The following TRAPPC9 variants were observed in gnomAD, a reference collection of about 807,000 sequenced individuals.
TRAPPC9 encodes the protein trafficking protein particle complex subunit 9.
Under a neutral mutation model 124.0 loss-of-function variants are expected in TRAPPC9, and 83 were observed. That is an observed-to-expected ratio of 0.67 (90% CI 0.56 to 0.80). The LOEUF is 0.80. Ranked by LOEUF, TRAPPC9 falls within the 30% of genes least tolerant of loss-of-function variation. The probability of loss-of-function intolerance (pLI) is 0.00; values close to 1 mark genes in which losing one functional copy is unlikely to be tolerated. For synonymous variants in TRAPPC9, 638 were observed against 617.5 expected, an observed-to-expected ratio of 1.03 and a Z score of -0.49; for missense variants, 1,302 against 1,508.3, an observed-to-expected ratio of 0.86 and a Z score of 2.27.
intron 17 of TRAPPC9, among the ~76,000 whole-genome samples, chr8:140,215,159 T>C (rs1418527486): frequency 6.6e-6 from 1 of 152,102 alleles, no homozygotes; most frequent in Non-Finnish European, 1.5e-5. Flanking sequence ...TTGCACAGGT[T>C]TGAAATCCAC....
intron 6 of TRAPPC9, among the ~76,000 whole-genome samples, chr8:140,404,919 T>A (rs2069436872): frequency 6.6e-6 from 1 of 151,572 alleles, no homozygotes; most frequent in East Asian, 1.9e-4. Context: ...CGTGTGTGTG[T>A]GTGTGTGTGT....
intron 8 of TRAPPC9, among the ~76,000 whole-genome samples, chr8:140,366,606 G>T (rs529355868): frequency 6.6e-6 from 1 of 152,298 alleles, no homozygotes; most frequent in East Asian, 1.9e-4. Context: ...TGCAGGATGA[G>T]AAAATACAAA....
At chr8:140,240,236 G>A (rs778343399) in intron 16 of TRAPPC9, among the ~76,000 whole-genome samples, 1 of 133,270 alleles carries the variant, frequency 7.5e-6, no homozygotes, top group Non-Finnish European at 1.6e-5. Context: ...AGGCATTTCA[G>A]GCAAAAAGAA....
intron 17 of TRAPPC9, among the ~76,000 whole-genome samples, 153 bp from the exon 18 acceptor site, chr8:140,024,232 TACCGACTCACACCCCCGGCGGGG>T (rs1223809739): frequency 1.3e-5 from 2 of 151,252 alleles, no homozygotes; most frequent in Non-Finnish European, 3.0e-5. Context: ...CCCCGGCGGG[TACCGACTCACACCCCCGGCGGGG>T]ACCGACTCAC....
At chr8:140,383,846 C>G (rs1329290000) in intron 7 of TRAPPC9, among the ~76,000 whole-genome samples, 1 of 152,048 alleles carries the variant, frequency 6.6e-6, no homozygotes, top group East Asian at 1.9e-4. Context: ...AGAGCAACTC[C>G]AAGACACATA....
chr8:140,271,533 G>C (rs777072135), intron 15 of TRAPPC9, among the ~76,000 whole-genome samples: 2 of 151,994 alleles, frequency 1.3e-5, no homozygotes, highest in Non-Finnish European at 2.9e-5. Flanking sequence ...GGGAAGGGGA[G>C]GGAGAAACAG....
chr8:139,795,026 C>G (rs1388840105), intron 21 of TRAPPC9, among the ~76,000 whole-genome samples: 1 of 152,180 alleles, frequency 6.6e-6, no homozygotes, highest in Non-Finnish European at 1.5e-5. Context: ...TTACTACGTC[C>G]CAGTTATTTC....
At chr8:139,785,524 C>G (rs1459184298) in intron 21 of TRAPPC9, among the ~76,000 whole-genome samples, 1 of 148,468 alleles carries the variant, frequency 6.7e-6, no homozygotes, top group African/African-American at 2.5e-5. Context: ...ATGGTGAAAC[C>G]TCATCTCTAC....
chr8:139,765,797 G>A (rs1489334679), intron 21 of TRAPPC9, among the ~76,000 whole-genome samples: 3 of 152,148 alleles, frequency 2.0e-5, no homozygotes, highest in Admixed American at 6.5e-5. Flanking sequence ...GTCTGCCTCC[G>A]AGGTATAACC....
intron 9 of TRAPPC9, among the ~76,000 whole-genome samples, chr8:140,350,350 T>G (rs574998327): frequency 6.6e-6 from 1 of 152,218 alleles, no homozygotes; most frequent in East Asian, 1.9e-4. Flanking sequence ...CAAGGTGCAA[T>G]CACCAGTGGC....
At chr8:140,372,031 G>A (rs551256070) in intron 7 of TRAPPC9, among the ~76,000 whole-genome samples, 2 of 152,330 alleles carry the variant, frequency 1.3e-5, no homozygotes, top group South Asian at 2.1e-4. Flanking sequence ...AGCACCTACT[G>A]TATGGCAGCA....
intron 5 of TRAPPC9, among the ~76,000 whole-genome samples, chr8:140,408,528 T>C (rs1474141899): frequency 3.9e-5 from 6 of 152,122 alleles, no homozygotes; most frequent in Non-Finnish European, 1.5e-5. Context: ...AAAAAGGGCT[T>C]AGATACACCA....
At chr8:139,946,155 C>A (rs185131317) in intron 19 of TRAPPC9, among the ~76,000 whole-genome samples, 1 of 152,338 alleles carries the variant, frequency 6.6e-6, no homozygotes, top group African/African-American at 2.4e-5. Flanking sequence ...AACCCCCACC[C>A]CTTTTAAGGA....
intron 21 of TRAPPC9, among the ~76,000 whole-genome samples, chr8:139,734,665 G>A (rs1270118617): frequency 2.0e-5 from 3 of 152,208 alleles, no homozygotes; most frequent in Admixed American, 2.0e-4. Flanking sequence ...TTTATTAGCT[G>A]GCTGCTGGCC....
chr8:139,808,683 T>G (rs1316613819), intron 21 of TRAPPC9, among the ~76,000 whole-genome samples: 5 of 151,928 alleles, frequency 3.3e-5, no homozygotes, highest in Admixed American at 2.0e-4. Context: ...TTACCAATTC[T>G]GGATGTATCA....
At chr8:140,064,467 T>G (rs1193665775) in intron 17 of TRAPPC9, among the ~76,000 whole-genome samples, 6 of 152,140 alleles carry the variant, frequency 3.9e-5, no homozygotes, top group Non-Finnish European at 5.9e-5. Flanking sequence ...AGTCTTTATC[T>G]CTACCTGATA....
intron 5 of TRAPPC9, among the ~76,000 whole-genome samples, chr8:140,425,575 A>AG (rs1564015836): frequency 3.9e-5 from 6 of 152,274 alleles, no homozygotes; most frequent in African/African-American, 1.4e-4. Context: ...CTACTTCTAT[A>AG]TGGTGTACAC....
intron 17 of TRAPPC9, among the ~76,000 whole-genome samples, chr8:140,197,770 A>C (rs1391588254): frequency 6.6e-6 from 1 of 152,182 alleles, no homozygotes; most frequent in Non-Finnish European, 1.5e-5. Context: ...AAAGAAAACA[A>C]CGCGAGATTT....
chr8:139,767,461 C>T (rs1586801500), intron 21 of TRAPPC9, among the ~76,000 whole-genome samples: 1 of 152,188 alleles, frequency 6.6e-6, no homozygotes, highest in African/African-American at 2.4e-5. Context: ...ACGAGGGCTC[C>T]GTCCCAGACA....
Sources: allele counts gnomAD v4.1 joint callset (sites outside exome capture counted in the v4.1 genomes callset), GRCh38; gene constraint gnomAD v4.1.1; transcripts MANE v1.5; gene names NCBI Gene and HGNC (gene_info 2026-07-23, HGNC 2026-07-21).